The following CCT2 variants were observed in gnomAD, a reference collection of about 807,000 sequenced individuals.
CCT2 encodes chaperonin containing TCP1 subunit 2, also known as T-complex protein 1 subunit beta.
CCT2 carries 18 observed loss-of-function variants against 61.8 expected under a neutral mutation model. The ratio of observed to expected loss-of-function variants is 0.29; its 90% CI spans 0.20 to 0.43. CCT2 has a LOEUF of 0.43. Among genes scored for constraint, CCT2 ranks in the 20% least tolerant of loss-of-function variants. The pLI is 1.00. For synonymous variants in CCT2, 248 were observed against 215.9 expected (o/e 1.15, Z -1.30); for missense variants, 556 against 656.9 (o/e 0.85, Z 1.68).
chr12:69,592,788 T>G, intron 8 of CCT2, 188 bp from the exon 9 acceptor site: 1 of 427,996 alleles, frequency 2.3e-6, no homozygotes, highest in Non-Finnish European at 4.1e-6. Context: ...ATTAGCTGGG[T>G]GTGGTGGCGC....
At chr12:69,586,897 A>C (rs1280913823) in intron 3 of CCT2, 79 bp downstream of exon 3, 4 of 852,568 alleles carry the variant, frequency 4.7e-6, no homozygotes, top group Non-Finnish European at 7.3e-6. Context: ...GCGTATTAAA[A>C]TGCTTTTTAA....
At chr12:69,599,138 G>A (rs1882078711) in intron 14 of CCT2, among the ~76,000 whole-genome samples, 1 of 152,182 alleles carries the variant, frequency 6.6e-6, no homozygotes, top group Admixed American at 6.5e-5. Context: ...CCAGGCTGGA[G>A]TGCAGTGGCA....
chr12:69,590,148 G>A (rs944948357), intron 7 of CCT2, among the ~76,000 whole-genome samples: 1 of 152,082 alleles, frequency 6.6e-6, no homozygotes, highest in Non-Finnish European at 1.5e-5. Context: ...TTGTGTCCGT[G>A]GTTTGCACAT....
Position 69,588,280 on chromosome 12 carries a change from C to G in CCT2, c.446+18C>G. Reference sequence around the variant, plus strand: ...GATCATGGGTTTGTATAGCAAAGTACTACTGTTCTAAACATTTAGTGTTCT... The same window carrying G: ...GATCATGGGTTTGTATAGCAAAGTAGTACTGTTCTAAACATTTAGTGTTCT... On this transcript the variant is annotated intron_variant, in intron 6 of 15. Transcript: ENST00000299300. 1 of 1,510,112 alleles carries G rather than the reference C, an allele frequency of 6.6e-7. No homozygotes were observed. The highest frequency in any genetic ancestry group is 9.2e-7 in the Non-Finnish European group (1 of 1,085,680). The allele number at this position is 1,510,112 out of a possible 1,614,324, so 93.5% of individuals were successfully genotyped here. A position where few individuals can be genotyped will look rare whatever the true frequency, so the allele number is the denominator to read the frequency against.
At position 69,585,468 on chromosome 12, in the gene CCT2, G is replaced by C; in HGVS notation, c.-54G>C. The C allele has an allele frequency of 6.4e-7, 1 of 1,553,024 alleles. No homozygotes were observed. The highest frequency in any genetic ancestry group is 1.4e-5 in the African/African-American group (1 of 73,362). Reference sequence around the variant, plus strand: ...ACTTCCGGCTTCCTTCAGTCCGCTGGTCCCGAGCACGAGCTGTGAGGGGAT... The same window carrying C: ...ACTTCCGGCTTCCTTCAGTCCGCTGCTCCCGAGCACGAGCTGTGAGGGGAT... On this transcript the variant is annotated 5_prime_UTR_variant, in exon 1 of 16. Transcript: ENST00000299300.
chr12:69,589,440 AAAGT>A, intron 6 of CCT2, 41 bp from the exon 7 acceptor site: 1 of 1,450,276 alleles, frequency 6.9e-7, no homozygotes, highest in Non-Finnish European at 9.6e-7. Flanking sequence ...TAAATTTTGA[AAAGT>A]AAAGTAGGGT....
chr12:69,593,478 G>A (rs748282427), intron 9 of CCT2, 32 bp from the exon 10 acceptor site: 2 of 1,360,412 alleles, frequency 1.5e-6, no homozygotes, highest in Non-Finnish European at 2.1e-6. Flanking sequence ...TAACAGTTGT[G>A]AGCATAATGT....
intron 8 of CCT2, 61 bp from the exon 9 acceptor site, chr12:69,592,915 G>A (rs958666242): frequency 1.6e-5 from 25 of 1,545,240 alleles, no homozygotes; most frequent in African/African-American, 2.8e-5. Flanking sequence ...GCAACAGAGC[G>A]AGACTCAATC....
rs373614293 is a variant in CCT2 at position 69,589,487 on chromosome 12, C to T, written c.449C>T (p.Ser150Phe). The change falls in exon 7 of 16, where the codon TCC (serine) becomes TTC (phenylalanine). Residue 150 changes from serine to phenylalanine, a missense_variant and splice_region_variant. Physicochemically the swap from Ser to Phe is radical, Grantham distance 155. Transcript: ENST00000299300. ...ALLSSAVDHG[S>F]DEVKFRQDLM... ...TATATTTGGTTGGTTTTATTTAGTTCCGATGAAGTTAAATTCCGTCAAGAT... is the reference window on the plus strand; with the variant it reads ...TATATTTGGTTGGTTTTATTTAGTTTCGATGAAGTTAAATTCCGTCAAGAT... The T allele has an allele frequency of 1.2e-6, 2 of 1,613,058 alleles. No individual in the cohort carries two copies. Among genetic ancestry groups the T allele is most frequent in the Non-Finnish European group, 1.7e-6 (2 of 1,179,180 alleles).
chr12:69,600,034 A>G (rs1260858614), intron 15 of CCT2, 30 bp downstream of exon 15: 3 of 1,577,342 alleles, frequency 1.9e-6, no homozygotes, highest in Non-Finnish European at 2.6e-6. Context: ...AGAAAAAATT[A>G]CTAACAGCAA....
chr12:69,585,780 C>G (rs1881630699), intron 1 of CCT2: 1 of 1,388,612 alleles, frequency 7.2e-7, no homozygotes, highest in African/African-American at 1.5e-5. Flanking sequence ...AGCCCAGGTC[C>G]GCGCCTCACC....
intron 8 of CCT2, 43 bp from the exon 9 acceptor site, chr12:69,592,933 A>G (rs1292383660): frequency 1.6e-5 from 25 of 1,593,718 alleles, no homozygotes; most frequent in Non-Finnish European, 2.1e-5. Context: ...ATCTCAAAAA[A>G]AATAATGAAA....
At position 69,587,927 on chromosome 12, in the gene CCT2, T is replaced by A; in HGVS notation, c.257-3T>A. On this transcript the variant is annotated splice_polypyrimidine_tract_variant and splice_region_variant and intron_variant, in intron 4 of 15. Transcript: ENST00000299300. ...TGAGTTAATAACTAATTTCTTTTTCTAGATATGTCAAGGGTTCAAGATGAT... is the reference window on the plus strand; with the variant it reads ...TGAGTTAATAACTAATTTCTTTTTCAAGATATGTCAAGGGTTCAAGATGAT... 1.9e-6 allele frequency: 3 copies of A among 1,607,580 alleles called. No homozygotes were observed. The highest frequency in any genetic ancestry group is 2.6e-6 in the Non-Finnish European group (3 of 1,174,448).
intron 7 of CCT2, among the ~76,000 whole-genome samples, chr12:69,590,365 C>A (rs1230392503): frequency 6.6e-6 from 1 of 152,040 alleles, no homozygotes; most frequent in East Asian, 1.9e-4. Context: ...AAAAAAATTT[C>A]TTTAACAAAT....
chr12:69,586,431 G>T, intron 2 of CCT2, 87 bp downstream of exon 2: 1 of 932,916 alleles, frequency 1.1e-6, no homozygotes, highest in Non-Finnish European at 1.7e-6. Flanking sequence ...ACTTTGGGAG[G>T]CCGAGGTAGG....
At position 69,587,617 on chromosome 12, in the gene CCT2, G is replaced by GTT; in HGVS notation, c.256+2_256+3insTT. 6.4e-7 allele frequency: 1 copy of GTT among 1,568,004 alleles called. No homozygotes were observed. Among genetic ancestry groups the GTT allele is most frequent in the Non-Finnish European group, 8.8e-7 (1 of 1,138,172 alleles). On this transcript the variant is annotated splice_donor_variant, in intron 4 of 15. Transcript: ENST00000299300. LOFTEE classifies it high-confidence loss of function. ...AATCCAGCAGCTAAAGTTTTAGTTG[G>GTT]TAAGTCTGAATATACTTTTTCACCA... is the stretch of plus-strand genomic sequence containing the variant.
intron 10 of CCT2, among the ~76,000 whole-genome samples, chr12:69,596,375 A>G (rs1881993883): frequency 1.3e-5 from 2 of 152,236 alleles, no homozygotes; most frequent in Non-Finnish European, 2.9e-5. Flanking sequence ...TGCAATTCAC[A>G]TTATGAAAGG....
intron 10 of CCT2, among the ~76,000 whole-genome samples, chr12:69,594,846 T>G (rs77304224): frequency 0.021 from 2,916 of 140,272 alleles, 96 homozygotes; most frequent in African/African-American, 0.07. Flanking sequence ...ACCCTGTCTT[T>G]AAAAAAAAAA....
chr12:69,585,911 T>C, intron 1 of CCT2: 22 of 1,270,906 alleles, frequency 1.7e-5, no homozygotes, highest in East Asian at 3.7e-5. Context: ...GGGTGGAAGA[T>C]GGAGGCCGCG....
Sources: allele counts gnomAD v4.1 joint callset (sites outside exome capture counted in the v4.1 genomes callset), GRCh38; gene constraint gnomAD v4.1.1; transcripts MANE v1.5; gene names NCBI Gene and HGNC (gene_info 2026-07-23, HGNC 2026-07-21).